Variants in CSMD3 observed in about 807,000 individuals in gnomAD.
CSMD3 encodes CUB and sushi domain-containing protein 3.
Under a neutral mutation model 435.2 loss-of-function variants are expected in CSMD3, and 177 were observed. The observed-to-expected ratio is 0.41, with a 90% CI of 0.36 to 0.46. CSMD3 has a LOEUF of 0.46. Among genes scored for constraint, CSMD3 ranks in the 20% least tolerant of loss-of-function variants. CSMD3 has a pLI of 0.34. For synonymous variants in CSMD3, 1,656 were observed against 1,520.5 expected (o/e 1.09, Z -2.07); for missense variants, 4,265 against 4,504.6 (o/e 0.95, Z 1.52).
At chr8:112,632,520 C>A (rs1034085151) in intron 22 of CSMD3, among the ~76,000 whole-genome samples, 1 of 151,918 alleles carries the variant, frequency 6.6e-6, no homozygotes, top group African/African-American at 2.4e-5. Flanking sequence ...TGGACTCCTG[C>A]CTAAAGACAA....
chr8:113,116,293 A>T (rs542728848), intron 4 of CSMD3, among the ~76,000 whole-genome samples: 1 of 152,216 alleles, frequency 6.6e-6, no homozygotes, highest in East Asian at 1.9e-4. Context: ...TATTCTTGTG[A>T]TAGTAAGTTC....
chr8:112,653,163 G>A (rs913866670), intron 18 of CSMD3, among the ~76,000 whole-genome samples: 2 of 152,084 alleles, frequency 1.3e-5, no homozygotes, highest in African/African-American at 4.8e-5. Context: ...ATTTTCAGAA[G>A]TTCATGTCTG....
In CSMD3 at chr8:113,436,751, A is replaced by T. The variant is rs2130153970; in HGVS notation, c.104T>A (p.Met35Lys). The change falls in exon 1 of 71, where the codon ATG (methionine) becomes AAG (lysine). Residue 35 changes from methionine to lysine, a missense_variant. By Grantham distance (95) the Met-to-Lys change is moderately conservative. Transcript: ENST00000297405. ...AKCGRLDFIL[M>K]KKMGIKSGFT... ...TCCACTTTTAATCCCCATTTTCTTC[A>T]TCAGGATGAAGTCTAGGCGGCCACA... The T allele has an allele frequency of 1.2e-6, 2 of 1,614,160 alleles. No individual in the cohort carries two copies. Among genetic ancestry groups the T allele is most frequent in the African/African-American group, 1.3e-5 (1 of 75,052 alleles).
Position 112,383,555 on chromosome 8 carries a change from T to C in CSMD3, c.6031+12A>G, listed in dbSNP as rs1430754348. 1 of 1,369,264 alleles carries C rather than the reference T, an allele frequency of 7.3e-7. No homozygotes were observed. Among genetic ancestry groups the C allele is most frequent in the Non-Finnish European group, 1.0e-6 (1 of 956,664 alleles). The allele number at this position is 1,369,264 out of a possible 1,614,324, so 84.8% of individuals were successfully genotyped here. On this transcript the variant is annotated intron_variant, in intron 37 of 70. Transcript: ENST00000297405. Reference sequence around the variant, plus strand: ...TATCTGTATTTTAATTAAGCTCAGCTCTCTTATTTACCTGAATAGCTTCCA... The same window carrying C: ...TATCTGTATTTTAATTAAGCTCAGCCCTCTTATTTACCTGAATAGCTTCCA...
At chr8:112,439,265 C>G (rs1348220064) in intron 32 of CSMD3, among the ~76,000 whole-genome samples, 3 of 152,076 alleles carry the variant, frequency 2.0e-5, no homozygotes, top group Non-Finnish European at 4.4e-5. Flanking sequence ...CTCACCCTCC[C>G]AAGTAGCTGG....
intron 63 of CSMD3, among the ~76,000 whole-genome samples, chr8:112,250,786 T>C (rs1417051465): frequency 2.0e-5 from 3 of 151,830 alleles, no homozygotes; most frequent in Non-Finnish European, 3.0e-5. Context: ...AAACAATCCA[T>C]ATCAAATTTT....
At chr8:112,570,984 T>G (rs968947512) in intron 24 of CSMD3, among the ~76,000 whole-genome samples, 7 of 152,164 alleles carry the variant, frequency 4.6e-5, no homozygotes, top group African/African-American at 1.4e-4. Context: ...TTTCCTTTAA[T>G]GGACAATTAT....
chr8:113,364,739 G>A (rs1439038092), intron 1 of CSMD3, among the ~76,000 whole-genome samples: 1 of 152,032 alleles, frequency 6.6e-6, no homozygotes, highest in East Asian at 1.9e-4. Flanking sequence ...ACAATTCAAT[G>A]TAAGGCTTTG....
chr8:112,533,021 C>T (rs1825687052), intron 27 of CSMD3, among the ~76,000 whole-genome samples: 1 of 152,036 alleles, frequency 6.6e-6, no homozygotes, highest in Admixed American at 6.6e-5. Context: ...TTTTCTCTGC[C>T]ACTAACCTTA....
At chr8:113,280,151 G>A (rs1016960223) in intron 2 of CSMD3, among the ~76,000 whole-genome samples, 2 of 151,724 alleles carry the variant, frequency 1.3e-5, no homozygotes, top group Admixed American at 6.6e-5. Flanking sequence ...TCCTTTCCTG[G>A]TTTTGGTATT....
At chr8:112,508,701 C>G (rs187765615) in intron 28 of CSMD3, among the ~76,000 whole-genome samples, 1 of 152,300 alleles carries the variant, frequency 6.6e-6, no homozygotes, top group Admixed American at 6.5e-5. Flanking sequence ...AGGTGCAGAT[C>G]TTACAGCCTT....
chr8:112,650,444 AT>A (rs2075096580), intron 18 of CSMD3, 95 bp from the exon 19 acceptor site: 2 of 1,007,068 alleles, frequency 2.0e-6, no homozygotes, highest in Non-Finnish European at 3.1e-6. Flanking sequence ...ACAAGCAATG[AT>A]TTTTACAAAT....
At chr8:113,402,108 G>A (rs180760427) in intron 1 of CSMD3, among the ~76,000 whole-genome samples, 178 of 151,474 alleles carry the variant, frequency 1.2e-3, no homozygotes, top group African/African-American at 4.1e-3. Flanking sequence ...TTGCTTCAGG[G>A]AGCTAGCTCC....
chr8:112,453,024 T>C (rs778274704), intron 32 of CSMD3, among the ~76,000 whole-genome samples: 5 of 152,186 alleles, frequency 3.3e-5, no homozygotes, highest in Non-Finnish European at 5.9e-5. Context: ...AAATAAATTA[T>C]ATCTCATCAG....
intron 34 of CSMD3, among the ~76,000 whole-genome samples, chr8:112,407,766 T>C (rs568256974): frequency 2.6e-5 from 4 of 152,162 alleles, no homozygotes; most frequent in South Asian, 2.1e-4. Context: ...AAATAATGGC[T>C]CTTAACTTGG....
At chr8:113,329,898 C>T (rs1588530101) in intron 1 of CSMD3, among the ~76,000 whole-genome samples, 2 of 151,860 alleles carry the variant, frequency 1.3e-5, no homozygotes, top group Non-Finnish European at 2.9e-5. Flanking sequence ...ATAAAAACTG[C>T]TAAAATGCAT....
intron 59 of CSMD3, among the ~76,000 whole-genome samples, chr8:112,275,030 C>T (rs1259847697): frequency 6.6e-6 from 1 of 152,124 alleles, no homozygotes; most frequent in Non-Finnish European, 1.5e-5. Flanking sequence ...CCTCCCCATT[C>T]CCCTTCTACT....
At chr8:112,984,828 C>T (rs955406695) in intron 6 of CSMD3, among the ~76,000 whole-genome samples, 1 of 152,058 alleles carries the variant, frequency 6.6e-6, no homozygotes, top group Admixed American at 6.6e-5. Flanking sequence ...CCTACTTTTT[C>T]TACACCAATG....
At chr8:112,664,269 A>G (rs536772883) in intron 17 of CSMD3, among the ~76,000 whole-genome samples, 1 of 152,250 alleles carries the variant, frequency 6.6e-6, no homozygotes, top group East Asian at 1.9e-4. Flanking sequence ...AAAAATATGG[A>G]TGAAATCTTT....
Sources: allele counts gnomAD v4.1 joint callset (sites outside exome capture counted in the v4.1 genomes callset), GRCh38; gene constraint gnomAD v4.1.1; transcripts MANE v1.5; gene names NCBI Gene and HGNC (gene_info 2026-07-23, HGNC 2026-07-21).